The following NMBR variants were observed in gnomAD, a reference collection of about 807,000 sequenced individuals.
The protein encoded by NMBR is neuromedin B receptor.
A neutral mutation model predicts 20.5 loss-of-function variants in NMBR; 16 were observed. The observed-to-expected ratio is 0.78, with a 90% CI of 0.53 to 1.19. The LOEUF (loss-of-function observed/expected upper bound fraction) is 1.19, where lower values mean the gene tolerates loss of function less well. NMBR is among the 50% of genes most tolerant of loss of function. The probability of loss-of-function intolerance (pLI) is 0.00; values close to 1 mark genes in which losing one functional copy is unlikely to be tolerated. For synonymous variants in NMBR, 212 were observed against 196.6 expected, an observed-to-expected ratio of 1.08 and a Z score of -0.65; for missense variants, 582 against 499.1, an observed-to-expected ratio of 1.17 and a Z score of -1.58.
At chr6:142,141,942 A>T (rs1356145764) in intron 1 of NMBR, among the ~76,000 whole-genome samples, 2 of 152,256 alleles carry the variant, frequency 1.3e-5, no homozygotes, top group Non-Finnish European at 2.9e-5. Flanking sequence ...TGAAAAGATT[A>T]ATAAAACTTA....
At chr6:142,125,249 C>A (rs76349806) in intron 1 of NMBR, among the ~76,000 whole-genome samples, 2,208 of 151,660 alleles carry the variant, frequency 0.015, 48 homozygotes, top group African/African-American at 0.051. Context: ...TTACTCTGAC[C>A]CAATGCAAAA....
At chr6:142,112,327 T>G (rs1184790803) in intron 1 of NMBR, among the ~76,000 whole-genome samples, 3 of 152,212 alleles carry the variant, frequency 2.0e-5, no homozygotes, top group Non-Finnish European at 4.4e-5. Context: ...TGTAATCTAG[T>G]TTTTCTCCTA....
At chr6:142,081,351 T>C (rs1385348283) in intron 2 of NMBR, among the ~76,000 whole-genome samples, 1 of 152,054 alleles carries the variant, frequency 6.6e-6, no homozygotes. Flanking sequence ...TAAATAGAAA[T>C]TAAAACAAAA....
At chr6:142,094,402 T>G (rs978673057) in intron 1 of NMBR, among the ~76,000 whole-genome samples, 4 of 152,204 alleles carry the variant, frequency 2.6e-5, no homozygotes, top group African/African-American at 7.2e-5. Context: ...ATTTATTAAA[T>G]AGGGAATCCT....
rs529159093 is a variant in NMBR, at chr6:142,130,390, G to C, written c.-664+16654C>G. 7.9e-5 allele frequency among the ~76,000 whole-genome samples: 12 copies of C among 152,056 alleles called. No homozygotes were observed. The East Asian group carries it at 2.1e-3, about 27-fold the overall frequency. On this transcript the variant is annotated intron_variant, in intron 1 of 3. Transcript: ENST00000258042. ...GTCTTAGGGTAAAAGTCAAATTAAT[G>C]GTGTGGCTATAATGTCCTTTGATTA...
At chr6:142,124,194 G>C (rs1424587002) in intron 1 of NMBR, among the ~76,000 whole-genome samples, 1 of 151,936 alleles carries the variant, frequency 6.6e-6, no homozygotes, top group South Asian at 2.1e-4. Context: ...GAAACCCCAA[G>C]AAGATGAGGA....
chr6:142,077,406 A>T (rs1319557962), intron 3 of NMBR, among the ~76,000 whole-genome samples: 1 of 152,234 alleles, frequency 6.6e-6, no homozygotes, highest in Non-Finnish European at 1.5e-5. Context: ...TGAGATACAC[A>T]GGGCTCAAAT....
chr6:142,143,026 A>G (rs916126764), intron 1 of NMBR, among the ~76,000 whole-genome samples: 5 of 152,304 alleles, frequency 3.3e-5, no homozygotes, highest in African/African-American at 1.2e-4. Context: ...TTGAGGCTGC[A>G]GTGAGCTATG....
chr6:142,074,781 C>A lies in NMBR; in HGVS notation c.*867G>T, dbSNP rs1776895082. ...AGCAATGTATACTAAGATGGCCATG[C>A]AAACTTGTGAGTTGTAGCTTTGCAA... On this transcript the variant is annotated 3_prime_UTR_variant, in exon 4 of 4. Coordinates refer to ENST00000258042, the MANE Select transcript of NMBR (RefSeq NM_002511.4). 6.6e-6 allele frequency among the ~76,000 whole-genome samples: 1 copy of A among 152,108 alleles called. No individual in the cohort carries two copies. Among genetic ancestry groups the A allele is most frequent in the Admixed American group, 6.6e-5 (1 of 15,266 alleles).
intron 1 of NMBR, chr6:142,134,851 A>G (rs1414363992): frequency 3.1e-6 from 2 of 646,342 alleles, no homozygotes; most frequent in Non-Finnish European, 5.5e-6. Flanking sequence ...TACAACAATT[A>G]CAATTTTATT....
Position 142,088,384 on chromosome 6 carries a change from A to G in NMBR, c.275T>C (p.Leu92Pro). Residue 92 changes from leucine to proline, a missense_variant, in exon 2 of 4, where the codon CTG (leucine) becomes CCG (proline). Coordinates refer to ENST00000258042, the MANE Select transcript of NMBR (RefSeq NM_002511.4). ...ISNLAAGDLL[L>P]LLTCVPVDAS... is the part of the protein sequence containing the mutation. Reference sequence around the variant, plus strand: ...GTCCACCGGGACGCAGGTGAGCAGCAGCAGCAAGTCCCCGGCCGCCAGGTT... The same window carrying G: ...GTCCACCGGGACGCAGGTGAGCAGCGGCAGCAAGTCCCCGGCCGCCAGGTT... The G allele has an allele frequency of 6.2e-7, 1 of 1,614,178 alleles. No homozygotes were observed. Among genetic ancestry groups the G allele is most frequent in the African/African-American group, 1.3e-5 (1 of 75,040 alleles).
At chr6:142,135,482 G>A (rs906655957) in intron 1 of NMBR, among the ~76,000 whole-genome samples, 27 of 151,644 alleles carry the variant, frequency 1.8e-4, no homozygotes, top group Middle Eastern at 3.4e-3. Context: ...TTATTCAATC[G>A]GTTTTCTTTT....
chr6:142,110,110 A>T (rs1777734937), intron 1 of NMBR, among the ~76,000 whole-genome samples: 1 of 152,234 alleles, frequency 6.6e-6, no homozygotes, highest in Non-Finnish European at 1.5e-5. Flanking sequence ...TCAATCCCTT[A>T]TACATTGCTA....
intron 1 of NMBR, among the ~76,000 whole-genome samples, chr6:142,136,594 G>A (rs1443300241): frequency 6.6e-6 from 1 of 152,152 alleles, no homozygotes; most frequent in Non-Finnish European, 1.5e-5. Flanking sequence ...GAATGGTAAT[G>A]CCTAGGTTTT....
chr6:142,082,150 A>G (rs562718841), intron 2 of NMBR, among the ~76,000 whole-genome samples: 1 of 152,148 alleles, frequency 6.6e-6, no homozygotes, highest in South Asian at 2.1e-4. Flanking sequence ...CACTACCCAA[A>G]ATTTCTTTCT....
intron 1 of NMBR, among the ~76,000 whole-genome samples, chr6:142,118,817 T>C (rs537150647): frequency 6.6e-6 from 1 of 151,938 alleles, no homozygotes; most frequent in Non-Finnish European, 1.5e-5. Context: ...GAGTAGCAGA[T>C]TGTCAGCATT....
intron 3 of NMBR, among the ~76,000 whole-genome samples, chr6:142,076,914 G>C (rs1384687389): frequency 1.3e-5 from 2 of 152,174 alleles, no homozygotes; most frequent in Admixed American, 1.3e-4. Context: ...ATATTCCAAA[G>C]AAGACTGGAA....
chr6:142,081,789 T>C (rs1777103009), intron 2 of NMBR, among the ~76,000 whole-genome samples: 1 of 152,208 alleles, frequency 6.6e-6, no homozygotes. Flanking sequence ...AGTGTTTCAC[T>C]GTGTATATTA....
chr6:142,120,890 C>T (rs1056953754), intron 1 of NMBR, among the ~76,000 whole-genome samples: 31 of 151,814 alleles, frequency 2.0e-4, no homozygotes, highest in African/African-American at 7.5e-4. Context: ...ACAGAGTTAC[C>T]TCATTTTATC....
Sources: gnomAD v4.1 joint callset for allele counts (sites outside exome capture counted in the v4.1 genomes callset) on GRCh38, gnomAD v4.1.1 for gene constraint, MANE v1.5 for transcripts, NCBI Gene and HGNC (gene_info 2026-07-23, HGNC 2026-07-21) for gene names.